USP10: variants seen among roughly 807,000 people sequenced by gnomAD.
The protein encoded by USP10 is ubiquitin carboxyl-terminal hydrolase 10.
Under a neutral mutation model 84.5 loss-of-function variants are expected in USP10, and 22 were observed. That is an observed-to-expected ratio of 0.26 (90% CI 0.19 to 0.37). The LOEUF is 0.37. USP10 is among the 10% of genes least tolerant of loss of function. The probability of loss-of-function intolerance (pLI) is 1.00; values close to 1 mark genes in which losing one functional copy is unlikely to be tolerated. For missense variants in USP10, 1,019 were observed against 998.9 expected, an observed-to-expected ratio of 1.02 and a Z score of -0.27; for synonymous variants, 454 against 387.6, an observed-to-expected ratio of 1.17 and a Z score of -2.01.
chr16:84,700,440 C>G (rs970589492), intron 1 of USP10, among the ~76,000 whole-genome samples: 1 of 151,900 alleles, frequency 6.6e-6, no homozygotes, highest in Non-Finnish European at 1.5e-5. Flanking sequence ...GAGTGGGGCC[C>G]TCCCCGCCGC....
At chr16:84,702,045 C>CTTTTTTT (rs1168917308) in intron 1 of USP10, among the ~76,000 whole-genome samples, 1 of 42,614 alleles carries the variant, frequency 2.3e-5, no homozygotes, top group African/African-American at 1.1e-4. Context: ...GAGTTTCGCT[C>CTTTTTTT]TTTTTTTTTT....
rs1215810373 is a variant in USP10 at position 84,704,900 on chromosome 16, A to T, written c.21+4789A>T. On this transcript the variant is annotated intron_variant, in intron 1 of 13. Transcript: ENST00000219473. ...TAGAAATGTGGTTTGGGGCTGTTAC[A>T]GCCTGAATTCCTCGACTTTCCCTTT... The T allele has an allele frequency of 2.0e-6, 3 of 1,535,660 alleles. No homozygotes were observed. In the South Asian group the frequency reaches 3.6e-5, roughly 18 times the overall value.
chr16:84,734,367 G>A (rs895235357), intron 2 of USP10, among the ~76,000 whole-genome samples: 43 of 152,156 alleles, frequency 2.8e-4, no homozygotes, highest in African/African-American at 8.4e-4. Flanking sequence ...ACATCTCCCA[G>A]ATTACAAACA....
chr16:84,721,043 G>A lies in USP10; in HGVS notation c.22-12392G>A, dbSNP rs145998836. Reference sequence around the variant, plus strand: ...CGAGTAGCCGGGAGTACAGGTGCCCGCCACCATGCCTGACTAATTTTTGTA... The same window carrying A: ...CGAGTAGCCGGGAGTACAGGTGCCCACCACCATGCCTGACTAATTTTTGTA... On this transcript the variant is annotated intron_variant, in intron 1 of 13. Transcript: ENST00000219473. 8.2e-3 allele frequency among the ~76,000 whole-genome samples: 1,252 copies of A among 151,758 alleles called. 5 individuals carry two copies. Among genetic ancestry groups the A allele is most frequent in the South Asian group, 0.018 (84 of 4,800 alleles).
intron 8 of USP10, among the ~76,000 whole-genome samples, chr16:84,762,503 C>T (rs932397393): frequency 2.0e-5 from 3 of 151,988 alleles, no homozygotes; most frequent in Non-Finnish European, 4.4e-5. Context: ...CCAGCCTGGC[C>T]GACATGGTGA....
chr16:84,745,343 C>G lies in USP10; in HGVS notation c.862C>G (p.Gln288Glu). The G allele has an allele frequency of 5.6e-6, 9 of 1,613,090 alleles. No homozygotes were observed. Among genetic ancestry groups the G allele is most frequent in the Non-Finnish European group, 7.6e-6 (9 of 1,179,732 alleles). The part of the protein sequence containing the change: ...TTENLGVANG[Q>E]ILESSGEGTA... ...TGAAAACCTTGGAGTTGCTAATGGA[C>G]AAATACTTGAATCCTCGGGTGAGGG... The change falls in exon 4 of 14, where the codon CAA (glutamine) becomes GAA (glutamate). Residue 288 changes from glutamine (Q) to glutamate (E), a missense_variant. Transcript: ENST00000219473.
intron 11 of USP10, among the ~76,000 whole-genome samples, chr16:84,771,037 A>T (rs1914395221): frequency 6.7e-6 from 1 of 148,328 alleles, no homozygotes; most frequent in Non-Finnish European, 1.5e-5. Context: ...AGCCTCGATG[A>T]CAGAGCGAGA....
At chr16:84,734,211 T>G (rs908117013) in intron 2 of USP10, among the ~76,000 whole-genome samples, 6 of 152,186 alleles carry the variant, frequency 3.9e-5, no homozygotes, top group Admixed American at 3.9e-4. Context: ...CTATCTAGGA[T>G]TTTAACAGTC....
At chr16:84,769,241 G>A (rs1026032757) in intron 11 of USP10, among the ~76,000 whole-genome samples, 1 of 152,110 alleles carries the variant, frequency 6.6e-6, no homozygotes, top group Non-Finnish European at 1.5e-5. Flanking sequence ...TGCATGACTG[G>A]GATGGATCTA....
chr16:84,757,909 A>G (rs1912775512), intron 4 of USP10, among the ~76,000 whole-genome samples: 1 of 152,204 alleles, frequency 6.6e-6, no homozygotes, highest in Non-Finnish European at 1.5e-5. Flanking sequence ...GTCAATTGTA[A>G]AGAACGTGCT....
Position 84,706,120 on chromosome 16 carries a change from G to A in USP10, c.21+6009G>A, listed in dbSNP as rs141065570. Among the ~76,000 whole-genome samples the A allele has an allele frequency of 2.6e-5, 4 of 152,186 alleles. No homozygotes were observed. The South Asian group carries it at 8.3e-4, about 32-fold the overall frequency. On this transcript the variant is annotated intron_variant, in intron 1 of 13. Coordinates refer to ENST00000219473, the MANE Select transcript of USP10 (RefSeq NM_005153.3). ...TGGTCTTGAACTCCTGGCCTCAAGG[G>A]ATCCCTTCTGCTTCAGCTTCCTAAA...
intron 3 of USP10, among the ~76,000 whole-genome samples, chr16:84,743,275 CT>C (rs1210758341): frequency 2.0e-5 from 3 of 152,170 alleles, no homozygotes; most frequent in Non-Finnish European, 4.4e-5. Flanking sequence ...TTTCCAGGAA[CT>C]TTCTCTTGTT....
chr16:84,745,084 C>G lies in USP10; in HGVS notation c.603C>G (p.Pro201=), dbSNP rs1812062. ...AEDAEFMGDM[P]PSVTPRTCNS... Reference sequence around the variant, plus strand: ...ATGCAGAATTTATGGGTGACATGCCCCCGTCAGTTACGCCCAGGACTTGTA... The same window carrying G: ...ATGCAGAATTTATGGGTGACATGCCGCCGTCAGTTACGCCCAGGACTTGTA... Residue 201 remains proline (P), a synonymous_variant, in exon 4 of 14, where the codon CCC becomes CCG. Coordinates refer to ENST00000219473, the MANE Select transcript of USP10 (RefSeq NM_005153.3). The G allele has an allele frequency of 1.2e-6, 2 of 1,613,226 alleles. No individual in the cohort carries two copies. The highest frequency in any genetic ancestry group is 2.7e-5 in the African/African-American group (2 of 74,920).
intron 4 of USP10, among the ~76,000 whole-genome samples, chr16:84,753,809 A>T (rs966002622): frequency 6.6e-6 from 1 of 152,220 alleles, no homozygotes; most frequent in African/African-American, 2.4e-5. Flanking sequence ...ATTACTGTCT[A>T]ATGAGAACTT....
intron 2 of USP10, among the ~76,000 whole-genome samples, chr16:84,737,941 C>T (rs1364105812): frequency 6.6e-6 from 1 of 152,270 alleles, no homozygotes; most frequent in Non-Finnish European, 1.5e-5. Context: ...TTGGCTTGTC[C>T]TCAGCGTCAT....
chr16:84,777,090 C>T (rs1287399708), intron 13 of USP10, among the ~76,000 whole-genome samples: 3 of 152,162 alleles, frequency 2.0e-5, no homozygotes, highest in East Asian at 3.8e-4. Context: ...GTAGAGTGAG[C>T]AAAGGAACAC....
intron 3 of USP10, among the ~76,000 whole-genome samples, chr16:84,744,008 G>C (rs1228686559): frequency 6.6e-6 from 1 of 152,180 alleles, no homozygotes; most frequent in Non-Finnish European, 1.5e-5. Flanking sequence ...AGAGAATTCA[G>C]AAGAGTGCTC....
chr16:84,733,311 G>A lies in USP10; in HGVS notation c.22-124G>A. 8.3e-6 allele frequency: 6 copies of A among 718,766 alleles called. No homozygotes were observed. The South Asian group carries it at 1.1e-4, about 13-fold the overall frequency. The allele number at this position is 718,766 out of a possible 1,614,324, so 44.5% of individuals were successfully genotyped here. A position where few individuals can be genotyped will look rare whatever the true frequency, so the allele number is the denominator to read the frequency against. ...TGAGTTGCAGATCCTCTGTTTAATT[G>A]AGAAAGGATCTTGGGGGTTATGGCC... On this transcript the variant is annotated intron_variant, in intron 1 of 13. Coordinates refer to ENST00000219473, the MANE Select transcript of USP10 (RefSeq NM_005153.3).
chr16:84,747,506 C>G (rs559576378), intron 4 of USP10, among the ~76,000 whole-genome samples: 1 of 151,182 alleles, frequency 6.6e-6, no homozygotes. Context: ...AAATGATAGG[C>G]CAGACGTCGT....
Sources: allele counts gnomAD v4.1 joint callset (sites outside exome capture counted in the v4.1 genomes callset), GRCh38; gene constraint gnomAD v4.1.1; transcripts MANE v1.5; gene names NCBI Gene and HGNC (gene_info 2026-07-23, HGNC 2026-07-21).